Variants in EYA2 observed in about 807,000 individuals in gnomAD.
EYA2 encodes the protein EYA transcriptional coactivator and phosphatase 2.
A neutral mutation model predicts 69.2 loss-of-function variants in EYA2; 31 were observed. The ratio of observed to expected loss-of-function variants is 0.45; its 90% CI spans 0.34 to 0.60. The LOEUF is 0.60. Ranked by LOEUF, EYA2 falls within the 20% of genes least tolerant of loss-of-function variation. EYA2 has a pLI of 0.02. For synonymous variants in EYA2, 257 were observed against 279.4 expected (o/e 0.92, Z 0.80); for missense variants, 622 against 701.2 (o/e 0.89, Z 1.28).
In EYA2 at chr20:47,105,624, C is replaced by CAAAAAA. The variant is rs3085517; in HGVS notation, c.888+8467_888+8472dup. Among the ~76,000 whole-genome samples, 29 of 131,222 alleles carry CAAAAAA rather than the reference C, an allele frequency of 2.2e-4. 11 individuals carry two copies. The highest frequency in any genetic ancestry group is 2.3e-4 in the Admixed American group (3 of 12,768). 86.1% of individuals were successfully genotyped at this position (131,222 alleles called of 152,430 possible). ...TGGGCGACAGAGCAAGACTCTGTCC[C>CAAAAAA]AAAAAAAAAAAAAAAAGGAACCTGC... On this transcript the variant is annotated intron_variant, in intron 9 of 15. Coordinates refer to ENST00000327619, the MANE Select transcript of EYA2 (RefSeq NM_005244.5).
chr20:47,097,015 T>C, intron 8 of EYA2, 70 bp from the exon 9 acceptor site: 2 of 1,124,470 alleles, frequency 1.8e-6, no homozygotes, highest in Non-Finnish European at 2.6e-6. Context: ...AGGGAATGAA[T>C]TTCTGCAGAC....
chr20:47,039,111 T>TCACACACA (rs11467574), intron 5 of EYA2, among the ~76,000 whole-genome samples: 13,784 of 149,888 alleles, frequency 0.092, 710 homozygotes, highest in South Asian at 0.21. Flanking sequence ...GATGTCGAAA[T>TCACACACA]CACACACACA....
intron 10 of EYA2, among the ~76,000 whole-genome samples, chr20:47,152,405 A>T (rs1407336214): frequency 1.3e-5 from 2 of 150,512 alleles, no homozygotes; most frequent in African/African-American, 4.9e-5. Flanking sequence ...TTTTTCTCAA[A>T]GAGTGGGCAT....
intron 8 of EYA2, among the ~76,000 whole-genome samples, chr20:47,096,556 G>A (rs1384823870): frequency 6.6e-6 from 1 of 152,174 alleles, no homozygotes; most frequent in Non-Finnish European, 1.5e-5. Context: ...TGAGAAAAAT[G>A]TAAGTTTCCA....
intron 9 of EYA2, among the ~76,000 whole-genome samples, chr20:47,141,656 A>G (rs1018344896): frequency 1.3e-5 from 2 of 152,248 alleles, no homozygotes; most frequent in Non-Finnish European, 2.9e-5. Context: ...CCAAGCCAAC[A>G]GAATATGTGT....
chr20:47,112,011 T>G (rs1278699655), intron 9 of EYA2, among the ~76,000 whole-genome samples: 1 of 152,010 alleles, frequency 6.6e-6, no homozygotes, highest in Non-Finnish European at 1.5e-5. Context: ...CGTGGTGGTG[T>G]GCACCTGTAG....
At chr20:47,115,251 G>A (rs1342829222) in intron 9 of EYA2, among the ~76,000 whole-genome samples, 2 of 152,172 alleles carry the variant, frequency 1.3e-5, no homozygotes, top group Non-Finnish European at 2.9e-5. Context: ...TTGCTGCCAG[G>A]GAAGCAGACT....
intron 5 of EYA2, among the ~76,000 whole-genome samples, chr20:47,050,610 T>C (rs980882970): frequency 3.9e-5 from 6 of 152,186 alleles, no homozygotes; most frequent in African/African-American, 1.4e-4. Context: ...TGTGAGGTTT[T>C]TAAGGAAAGG....
At chr20:46,908,500 A>T (rs1984474338) in intron 1 of EYA2, among the ~76,000 whole-genome samples, 1 of 152,232 alleles carries the variant, frequency 6.6e-6, no homozygotes, top group Non-Finnish European at 1.5e-5. Context: ...GTTCTGCGTC[A>T]ATCAGTCATG....
At chr20:46,971,970 G>A (rs1181082945) in intron 1 of EYA2, among the ~76,000 whole-genome samples, 7 of 152,176 alleles carry the variant, frequency 4.6e-5, no homozygotes, top group Non-Finnish European at 1.0e-4. Context: ...ACAGTGAACA[G>A]AGAAATATGC....
intron 1 of EYA2, among the ~76,000 whole-genome samples, chr20:46,960,580 A>G (rs374352052): frequency 1.3e-5 from 2 of 152,048 alleles, no homozygotes; most frequent in African/African-American, 4.8e-5. Flanking sequence ...CAGCTCTTAA[A>G]CCCTCTGCTC....
intron 1 of EYA2, among the ~76,000 whole-genome samples, chr20:46,951,773 G>T (rs567039143): frequency 1.1e-4 from 16 of 152,318 alleles, no homozygotes; most frequent in South Asian, 4.2e-4. Flanking sequence ...GGGGGCGAGA[G>T]TGTGGATTTC....
intron 1 of EYA2, among the ~76,000 whole-genome samples, chr20:46,942,860 G>A (rs146151115): frequency 0.011 from 1,606 of 152,284 alleles, 29 homozygotes; most frequent in African/African-American, 0.036. Flanking sequence ...CCTCCTCCCC[G>A]GTTCAAGCGA....
intron 1 of EYA2, among the ~76,000 whole-genome samples, chr20:46,936,199 C>A (rs1054389930): frequency 6.6e-6 from 1 of 152,196 alleles, no homozygotes; most frequent in Non-Finnish European, 1.5e-5. Flanking sequence ...AGGCCAGGTG[C>A]AGTGGTTCAC....
intron 11 of EYA2, among the ~76,000 whole-genome samples, chr20:47,170,038 T>C (rs1283397429): frequency 6.6e-6 from 1 of 152,032 alleles, no homozygotes; most frequent in Non-Finnish European, 1.5e-5. Context: ...CCTGAGTAGC[T>C]GGGATTACAG....
chr20:47,145,965 C>T (rs1272364203), intron 10 of EYA2, among the ~76,000 whole-genome samples: 1 of 150,884 alleles, frequency 6.6e-6, no homozygotes, highest in African/African-American at 2.4e-5. Context: ...GAGGCTACTG[C>T]AATAGTCCAA....
At position 47,185,668 on chromosome 20, in the gene EYA2, G is replaced by A. The variant is rs1178289067; in HGVS notation, c.1536+2277G>A. ...ACCAGAATCTATCTTTGCAAAGAAA[G>A]GAGGGCTTGGCCGGGATGAGGGCAG... On this transcript the variant is annotated intron_variant, in intron 15 of 15. Coordinates refer to ENST00000327619, the MANE Select transcript of EYA2 (RefSeq NM_005244.5). Among the ~76,000 whole-genome samples the A allele has an allele frequency of 2.0e-5, 3 of 152,114 alleles. No homozygotes were observed. The East Asian group carries it at 5.8e-4, about 29-fold the overall frequency.
chr20:46,961,687 G>A (rs1459763659), intron 1 of EYA2, among the ~76,000 whole-genome samples: 4 of 152,344 alleles, frequency 2.6e-5, no homozygotes, highest in African/African-American at 9.6e-5. Context: ...GTACTATTCA[G>A]CCATAAAAAG....
intron 9 of EYA2, among the ~76,000 whole-genome samples, chr20:47,117,202 G>T (rs971510459): frequency 6.6e-6 from 1 of 151,962 alleles, no homozygotes; most frequent in African/African-American, 2.4e-5. Flanking sequence ...TAGTAAAGAC[G>T]GGGTTTCACG....
Sources: gnomAD v4.1 joint callset for allele counts (sites outside exome capture counted in the v4.1 genomes callset) on GRCh38, gnomAD v4.1.1 for gene constraint, MANE v1.5 for transcripts, NCBI Gene and HGNC (gene_info 2026-07-23, HGNC 2026-07-21) for gene names.